Variants in RIMS2 observed in about 807,000 individuals in gnomAD.
RIMS2 encodes the protein regulating synaptic membrane exocytosis 2, also known as regulating synaptic membrane exocytosis protein 2.
Under a neutral mutation model 174.4 loss-of-function variants are expected in RIMS2, and 59 were observed. The ratio of observed to expected loss-of-function variants is 0.34; its 90% CI spans 0.27 to 0.42. The LOEUF (loss-of-function observed/expected upper bound fraction) is 0.42. Ranked by LOEUF, RIMS2 falls within the 10% of genes least tolerant of loss-of-function variation. The pLI is 1.00. For synonymous variants in RIMS2, 606 were observed against 572.5 expected, an observed-to-expected ratio of 1.06 and a Z score of -0.84; for missense variants, 1,620 against 1,666.3, an observed-to-expected ratio of 0.97 and a Z score of 0.48.
At position 103,613,355 on chromosome 8, in the gene RIMS2, T is replaced by A. The variant is rs370368950; in HGVS notation, c.177-83731T>A. The stretch of plus-strand genomic sequence containing the variant: ...AGCCCACTGAGGTGGTAGGGAAGAT[T>A]CTGCCAGGCCATCACTGATGTTCAC... On this transcript the variant is annotated intron_variant, in intron 1 of 23. Transcript: ENST00000504942. 1.6e-4 allele frequency among the ~76,000 whole-genome samples: 23 copies of A among 146,516 alleles called. No individual in the cohort carries two copies. In the South Asian group the frequency reaches 4.6e-3, roughly 29 times the overall value.
intron 15 of RIMS2, among the ~76,000 whole-genome samples, chr8:103,975,015 G>A (rs563439388): frequency 1.3e-5 from 2 of 152,254 alleles, no homozygotes; most frequent in East Asian, 1.9e-4. Flanking sequence ...CTAGGTCATT[G>A]AAGAGATGAA....
intron 1 of RIMS2, among the ~76,000 whole-genome samples, chr8:103,660,994 T>C (rs2096593665): frequency 6.6e-6 from 1 of 152,248 alleles, no homozygotes; most frequent in Admixed American, 6.5e-5. Flanking sequence ...CAGGATTTCC[T>C]CATGCTCCCT....
At chr8:104,062,046 G>T (rs1461699118) in intron 19 of RIMS2, among the ~76,000 whole-genome samples, 1 of 151,904 alleles carries the variant, frequency 6.6e-6, no homozygotes, top group Non-Finnish European at 1.5e-5. Flanking sequence ...CATATACAAT[G>T]CCAATAAGTT....
At chr8:103,903,001 A>G (rs1034900043) in intron 4 of RIMS2, among the ~76,000 whole-genome samples, 3 of 152,174 alleles carry the variant, frequency 2.0e-5, no homozygotes, top group Non-Finnish European at 2.9e-5. Flanking sequence ...GGAGGACAGA[A>G]TACCAAGAAG....
chr8:103,720,293 T>C (rs2097429192), intron 2 of RIMS2, among the ~76,000 whole-genome samples: 1 of 152,198 alleles, frequency 6.6e-6, no homozygotes, highest in South Asian at 2.1e-4. Context: ...TATTCTCATA[T>C]AGAGTTGCAA....
At chr8:103,682,605 G>A (rs1244221583) in intron 1 of RIMS2, among the ~76,000 whole-genome samples, 1 of 152,058 alleles carries the variant, frequency 6.6e-6, no homozygotes, top group Non-Finnish European at 1.5e-5. Context: ...GGGAAGGGAA[G>A]ATATGATCTT....
At chr8:104,129,601 G>C (rs1365205138) in intron 19 of RIMS2, among the ~76,000 whole-genome samples, 2 of 152,176 alleles carry the variant, frequency 1.3e-5, no homozygotes, top group South Asian at 2.1e-4. Flanking sequence ...TTCATCATCA[G>C]ACAACAGCTT....
intron 19 of RIMS2, among the ~76,000 whole-genome samples, chr8:104,057,633 A>G (rs2096894306): frequency 1.3e-5 from 2 of 151,338 alleles, no homozygotes; most frequent in African/African-American, 2.4e-5. Context: ...TTAGTTACAT[A>G]TGTATACATG....
chr8:103,551,107 C>T (rs1228261326), intron 1 of RIMS2, among the ~76,000 whole-genome samples: 1 of 152,198 alleles, frequency 6.6e-6, no homozygotes, highest in Non-Finnish European at 1.5e-5. Context: ...ATGAGGCCAG[C>T]ATCATCCTGA....
rs141897688 is a variant in RIMS2, at chr8:103,732,949, C to G, written c.388-33278C>G. ...CCACACTGTCACTGAGCTGGTACAC[C>G]TGCAAGACAAAGTCCTTTTTACTCT... On this transcript the variant is annotated intron_variant, in intron 2 of 23. Transcript: ENST00000504942. Among the ~76,000 whole-genome samples the G allele has an allele frequency of 1.5e-3, 231 of 152,250 alleles. 1 individual carries two copies. The highest frequency in any genetic ancestry group is 5.2e-3 in the African/African-American group (218 of 41,564).
chr8:103,709,449 T>C (rs1444882070), intron 2 of RIMS2, among the ~76,000 whole-genome samples: 1 of 119,310 alleles, frequency 8.4e-6, no homozygotes, highest in Non-Finnish European at 2.1e-5. Context: ...TTCTGTAACT[T>C]CTTGAGCTTT....
chr8:103,747,030 G>T (rs2097827309), intron 2 of RIMS2, among the ~76,000 whole-genome samples: 1 of 151,180 alleles, frequency 6.6e-6, no homozygotes, highest in Admixed American at 6.6e-5. Flanking sequence ...AAGGATAATG[G>T]CCTCCAACTC....
At chr8:103,777,203 A>G (rs1056051783) in intron 3 of RIMS2, among the ~76,000 whole-genome samples, 1 of 152,034 alleles carries the variant, frequency 6.6e-6, no homozygotes, top group Admixed American at 6.6e-5. Context: ...GATAAGTAAA[A>G]AAGCTTAAGA....
At chr8:104,231,712 G>A (rs958424537) in intron 19 of RIMS2, among the ~76,000 whole-genome samples, 5 of 152,066 alleles carry the variant, frequency 3.3e-5, no homozygotes, top group Admixed American at 2.0e-4. Context: ...GATGAATATC[G>A]TGAACTAGTA....
intron 1 of RIMS2, among the ~76,000 whole-genome samples, chr8:103,505,987 A>C (rs1164232201): frequency 6.6e-6 from 1 of 151,960 alleles, no homozygotes. Flanking sequence ...AATTGAATTT[A>C]TTGTAGTTTT....
chr8:104,168,298 A>C (rs2098809758), intron 19 of RIMS2, among the ~76,000 whole-genome samples: 1 of 152,158 alleles, frequency 6.6e-6, no homozygotes, highest in African/African-American at 2.4e-5. Context: ...ATTCATGAGC[A>C]TGGGTTGTGT....
chr8:103,538,791 G>A (rs1841115761), intron 1 of RIMS2, among the ~76,000 whole-genome samples: 1 of 152,214 alleles, frequency 6.6e-6, no homozygotes, highest in South Asian at 2.1e-4. Flanking sequence ...ACAGGCATGA[G>A]CCACCACGCC....
intron 1 of RIMS2, among the ~76,000 whole-genome samples, chr8:103,687,886 C>T (rs916147184): frequency 1.2e-4 from 7 of 58,804 alleles, no homozygotes; most frequent in Admixed American, 5.8e-4. Flanking sequence ...TTATATATAC[C>T]GCATTTTTTT....
At chr8:104,169,502 GTATTTC>G (rs1456656315) in intron 19 of RIMS2, among the ~76,000 whole-genome samples, 3 of 151,500 alleles carry the variant, frequency 2.0e-5, no homozygotes, top group African/African-American at 7.3e-5. Flanking sequence ...GTAATCTTTA[GTATTTC>G]TGTGGTATCG....
Sources: gnomAD v4.1 joint callset for allele counts (sites outside exome capture counted in the v4.1 genomes callset) on GRCh38, gnomAD v4.1.1 for gene constraint, MANE v1.5 for transcripts, NCBI Gene and HGNC (gene_info 2026-07-23, HGNC 2026-07-21) for gene names.